ABCA12: variants seen among roughly 807,000 people sequenced by gnomAD.
The protein encoded by ABCA12 is glucosylceramide transporter ABCA12.
Under a neutral mutation model 293.5 loss-of-function variants are expected in ABCA12, and 156 were observed. The ratio of observed to expected loss-of-function variants is 0.53; its 90% CI spans 0.47 to 0.61. The LOEUF (loss-of-function observed/expected upper bound fraction) is 0.61, where lower values mean the gene tolerates loss of function less well. Among genes scored for constraint, ABCA12 ranks in the 20% least tolerant of loss-of-function variants. ABCA12 has a pLI of 0.00. For synonymous variants in ABCA12, 1,063 were observed against 1,108.0 expected (o/e 0.96, Z 0.81); for missense variants, 2,797 against 3,090.2 (o/e 0.91, Z 2.25).
intron 2 of ABCA12, among the ~76,000 whole-genome samples, chr2:215,087,382 C>T (rs1023102738): frequency 5.3e-5 from 8 of 152,010 alleles, no homozygotes; most frequent in Non-Finnish European, 1.0e-4. Flanking sequence ...TCTTTAGCTT[C>T]GATTAACACA....
chr2:215,032,574 C>G (rs1470252854), intron 8 of ABCA12: 2 of 152,722 alleles, frequency 1.3e-5, no homozygotes, highest in Non-Finnish European at 2.9e-5. Flanking sequence ...CTAATTCAGC[C>G]TGCTGCATAA....
At chr2:215,116,678 G>T (rs1702693267) in intron 1 of ABCA12, among the ~76,000 whole-genome samples, 1 of 152,146 alleles carries the variant, frequency 6.6e-6, no homozygotes, top group Admixed American at 6.5e-5. Flanking sequence ...GAGGAATGGA[G>T]TATGTACCTA....
At position 214,948,585 on chromosome 2, in the gene ABCA12, C is replaced by G; in HGVS notation, c.7104+11G>C. On this transcript the variant is annotated intron_variant, in intron 47 of 52. Coordinates refer to ENST00000272895, the MANE Select transcript of ABCA12 (RefSeq NM_173076.3). ...GTTTCAAATTAAGTAATTTTTCACA[C>G]TTGTACTCACTTCTTTAATATCCTT... 4 of 1,613,736 alleles carry G rather than the reference C, an allele frequency of 2.5e-6. No homozygotes were observed. The highest frequency in any genetic ancestry group is 3.4e-6 in the Non-Finnish European group (4 of 1,179,758).
At chr2:215,095,750 C>T (rs1033566890) in intron 2 of ABCA12, among the ~76,000 whole-genome samples, 41 of 136,876 alleles carry the variant, frequency 3.0e-4, no homozygotes, top group African/African-American at 1.5e-3. Context: ...GTGAAAATGA[C>T]CGGTTCCTGC....
At chr2:215,053,405 G>T (rs1701357848) in intron 4 of ABCA12, among the ~76,000 whole-genome samples, 1 of 152,062 alleles carries the variant, frequency 6.6e-6, no homozygotes, top group African/African-American at 2.4e-5. Context: ...TGAAGAATTT[G>T]CCATCTGATT....
At chr2:215,085,589 C>A (rs1271484265) in intron 2 of ABCA12, 1 of 152,166 alleles carries the variant, frequency 6.6e-6, no homozygotes, top group South Asian at 2.1e-4. Context: ...TTCAACAAGA[C>A]CTGGCCTAAA....
chr2:215,089,886 G>A (rs371905988), intron 2 of ABCA12, among the ~76,000 whole-genome samples: 3 of 152,232 alleles, frequency 2.0e-5, no homozygotes, highest in African/African-American at 7.2e-5. Flanking sequence ...GCAACTAATA[G>A]TTCAGTTCTA....
intron 2 of ABCA12, among the ~76,000 whole-genome samples, chr2:215,081,495 A>AATG: frequency 7.8e-6 from 1 of 127,470 alleles, no homozygotes; most frequent in South Asian, 2.4e-4. Context: ...AAAAAAAAGA[A>AATG]AAAGAAAAAA....
chr2:215,099,537 A>T (rs1702311065), intron 2 of ABCA12, among the ~76,000 whole-genome samples: 1 of 152,128 alleles, frequency 6.6e-6, no homozygotes, highest in African/African-American at 2.4e-5. Context: ...TACTAAAAAT[A>T]CAAAAATTAG....
At chr2:214,981,984 A>T (rs59627156) in intron 30 of ABCA12, among the ~76,000 whole-genome samples, 14,809 of 131,504 alleles carry the variant, frequency 0.11, 1,392 homozygotes, top group African/African-American at 0.21. Context: ...TATTATTATT[A>T]TTTTATTATT....
intron 23 of ABCA12, among the ~76,000 whole-genome samples, chr2:214,991,527 G>T (rs1465010197): frequency 6.6e-6 from 1 of 151,922 alleles, no homozygotes; most frequent in Non-Finnish European, 1.5e-5. Context: ...CAGTATTGAT[G>T]TTCCTGAGAG....
chr2:215,006,053 G>T (rs1370770150), intron 19 of ABCA12, among the ~76,000 whole-genome samples: 2 of 151,862 alleles, frequency 1.3e-5, no homozygotes, highest in Non-Finnish European at 2.9e-5. Flanking sequence ...CTCAATAATC[G>T]AAAATAATTA....
intron 1 of ABCA12, among the ~76,000 whole-genome samples, chr2:215,131,702 GTT>G (rs35844951): frequency 0.7 from 56,267 of 80,078 alleles, 18,674 homozygotes; most frequent in South Asian, 0.8. Context: ...CCTTTCTATT[GTT>G]TTTTTTTTTT....
chr2:215,088,386 T>C (rs1156288678), intron 2 of ABCA12, among the ~76,000 whole-genome samples: 63 of 152,216 alleles, frequency 4.1e-4, no homozygotes, highest in Non-Finnish European at 1.5e-5. Flanking sequence ...GGCTGCCATC[T>C]TACTGTTTTG....
At chr2:215,009,599 T>G (rs1002352081) in intron 18 of ABCA12, among the ~76,000 whole-genome samples, 1 of 152,186 alleles carries the variant, frequency 6.6e-6, no homozygotes, top group African/African-American at 2.4e-5. Context: ...TTTATAAAAA[T>G]GGACAGAGAT....
At chr2:215,055,381 C>T (rs1264258537) in intron 3 of ABCA12, among the ~76,000 whole-genome samples, 4 of 151,954 alleles carry the variant, frequency 2.6e-5, no homozygotes, top group African/African-American at 7.2e-5. Flanking sequence ...TCTAAAAATT[C>T]GCTTTTTGTT....
chr2:215,090,434 A>C (rs535320938), intron 2 of ABCA12, among the ~76,000 whole-genome samples: 2 of 152,036 alleles, frequency 1.3e-5, no homozygotes, highest in Admixed American at 6.5e-5. Flanking sequence ...CATCTCCCCA[A>C]TTTTAAATCA....
chr2:214,985,330 C>A (rs1699761765), intron 28 of ABCA12, among the ~76,000 whole-genome samples: 1 of 152,112 alleles, frequency 6.6e-6, no homozygotes, highest in South Asian at 2.1e-4. Flanking sequence ...AATATGTTCT[C>A]ACTTATAAGT....
rs376582103 is a variant in ABCA12 at position 214,997,842 on chromosome 2, G to A, written c.3180-33C>T. 305 of 1,315,976 alleles carry A rather than the reference G, an allele frequency of 2.3e-4. No individual in the cohort carries two copies. The African/African-American group carries it at 4.0e-3, about 17-fold the overall frequency. 81.5% of individuals were successfully genotyped at this position (1,315,976 alleles called of 1,614,324 possible). A position where few individuals can be genotyped will look rare whatever the true frequency, so the allele number is the denominator to read the frequency against. Reference sequence around the variant, plus strand: ...ACAAACAAAAAAAGAAAAATTCAGCGACCAAAATGAACACCATACTTGCAG... The same window carrying A: ...ACAAACAAAAAAAGAAAAATTCAGCAACCAAAATGAACACCATACTTGCAG... On this transcript the variant is annotated intron_variant, in intron 22 of 52. Transcript: ENST00000272895.
Sources: gnomAD v4.1 joint callset for allele counts (sites outside exome capture counted in the v4.1 genomes callset) on GRCh38, gnomAD v4.1.1 for gene constraint, MANE v1.5 for transcripts, NCBI Gene and HGNC (gene_info 2026-07-23, HGNC 2026-07-21) for gene names.